PTPRG: variants seen among roughly 807,000 people sequenced by gnomAD.
PTPRG encodes the protein receptor-type tyrosine-protein phosphatase gamma.
A neutral mutation model predicts 165.3 loss-of-function variants in PTPRG; 102 were observed. That is an observed-to-expected ratio of 0.62 (90% confidence interval 0.53 to 0.73). PTPRG has a LOEUF of 0.73. PTPRG is among the 30% of genes least tolerant of loss of function. PTPRG has a pLI of 0.00. For missense variants in PTPRG, 1,866 were observed against 1,861.4 expected, an observed-to-expected ratio of 1.00 and a Z score of -0.05; for synonymous variants, 675 against 669.5, an observed-to-expected ratio of 1.01 and a Z score of -0.13.
intron 13 of PTPRG, among the ~76,000 whole-genome samples, chr3:62,230,647 C>A (rs1018925687): frequency 3.3e-5 from 5 of 152,218 alleles, no homozygotes; most frequent in Admixed American, 1.3e-4. Flanking sequence ...ATAGTAATAA[C>A]TTGCCAACTG....
chr3:61,813,679 T>C lies in PTPRG; in HGVS notation c.190+64697T>C, dbSNP rs1237687450. On this transcript the variant is annotated intron_variant, in intron 2 of 29. Coordinates refer to ENST00000474889, the MANE Select transcript of PTPRG (RefSeq NM_002841.4). ...TGTAGTTGTAGTCATAATAACTTATTGAATGTATACTATGTTCTTGGCTCT... is the reference window on the plus strand; with the variant it reads ...TGTAGTTGTAGTCATAATAACTTATCGAATGTATACTATGTTCTTGGCTCT... 5.3e-5 allele frequency among the ~76,000 whole-genome samples: 8 copies of C among 151,730 alleles called. No homozygotes were observed. The East Asian group carries it at 1.4e-3, about 26-fold the overall frequency.
At chr3:62,260,880 C>T (rs1375279615) in intron 16 of PTPRG, 1 of 152,160 alleles carries the variant, frequency 6.6e-6, no homozygotes. Flanking sequence ...TCAGATTTGA[C>T]AATATTTATT....
chr3:61,847,097 G>C (rs1255612488), intron 2 of PTPRG, among the ~76,000 whole-genome samples: 1 of 152,112 alleles, frequency 6.6e-6, no homozygotes, highest in Non-Finnish European at 1.5e-5. Context: ...CTAACCCCTA[G>C]TACTTCAGAA....
rs1284244551 is a variant in PTPRG at position 61,562,263 on chromosome 3, C to T, written c.-25C>T. The T allele has an allele frequency of 1.2e-6, 2 of 1,608,520 alleles. No homozygotes were observed. Among genetic ancestry groups the T allele is most frequent in the Non-Finnish European group, 1.7e-6 (2 of 1,175,122 alleles). ...TCAACAAGTTTACCTCCCTGCTTTC[C>T]TCTTTTCGATGTGCGTTTTCGGACA... On this transcript the variant is annotated 5_prime_UTR_variant, in exon 1 of 30. Transcript: ENST00000474889.
rs539601898 is a variant in PTPRG at position 61,832,616 on chromosome 3, A to T, written c.190+83634A>T. Among the ~76,000 whole-genome samples the T allele has an allele frequency of 4.7e-4, 72 of 152,316 alleles. 2 individuals carry two copies. The South Asian group carries it at 0.014, about 30-fold the overall frequency. On this transcript the variant is annotated intron_variant, in intron 2 of 29. Transcript: ENST00000474889. The stretch of plus-strand genomic sequence containing the variant: ...TGGATCTTGTAGGGTAGGTATCATT[A>T]TCTTCATTTTATAGCTGAGAAAACT...
chr3:61,741,622 C>T (rs146947185), intron 1 of PTPRG, among the ~76,000 whole-genome samples: 175 of 152,320 alleles, frequency 1.1e-3, no homozygotes, highest in African/African-American at 3.9e-3. Flanking sequence ...GTTCTCATCA[C>T]AGACTTACTC....
intron 2 of PTPRG, among the ~76,000 whole-genome samples, chr3:61,922,481 A>AGT (rs143673622): frequency 2.1e-4 from 32 of 151,768 alleles, no homozygotes; most frequent in South Asian, 1.0e-3. Flanking sequence ...TGTCTGTGTG[A>AGT]GTGTGTGTGT....
chr3:62,188,268 A>C (rs1699715649), intron 8 of PTPRG, among the ~76,000 whole-genome samples: 1 of 152,132 alleles, frequency 6.6e-6, no homozygotes, highest in South Asian at 2.1e-4. Context: ...CTAGCTACTT[A>C]GGAGGCTGAG....
chr3:61,876,436 T>A (rs2037741858), intron 2 of PTPRG, among the ~76,000 whole-genome samples: 1 of 152,256 alleles, frequency 6.6e-6, no homozygotes, highest in Non-Finnish European at 1.5e-5. Flanking sequence ...GTCAATTTCC[T>A]GGTTTTGATC....
intron 1 of PTPRG, among the ~76,000 whole-genome samples, chr3:61,623,209 A>G (rs576456826): frequency 6.6e-6 from 1 of 152,330 alleles, no homozygotes; most frequent in Non-Finnish European, 1.5e-5. Flanking sequence ...GGCAGGAATC[A>G]GGACAGTGGG....
intron 2 of PTPRG, among the ~76,000 whole-genome samples, chr3:61,833,898 GA>G (rs2107303686): frequency 6.6e-6 from 1 of 152,254 alleles, no homozygotes; most frequent in African/African-American, 2.4e-5. Flanking sequence ...GCTCATCTTT[GA>G]AAGGAGAGCT....
At chr3:61,696,610 C>T (rs1013880580) in intron 1 of PTPRG, among the ~76,000 whole-genome samples, 3 of 152,178 alleles carry the variant, frequency 2.0e-5, no homozygotes, top group African/African-American at 7.2e-5. Context: ...TACATGAATA[C>T]ACTTTCTTTT....
At chr3:61,880,947 C>CTT (rs199965020) in intron 2 of PTPRG, among the ~76,000 whole-genome samples, 6 of 139,308 alleles carry the variant, frequency 4.3e-5, no homozygotes, top group African/African-American at 1.0e-4. Context: ...GCTATGCTGT[C>CTT]TTTTTTTTTT....
intron 2 of PTPRG, among the ~76,000 whole-genome samples, chr3:61,934,391 G>C (rs541876898): frequency 1.3e-4 from 19 of 151,760 alleles, no homozygotes; most frequent in African/African-American, 4.1e-4. Context: ...ATCTTTTCTC[G>C]GTGTGTGCAT....
chr3:62,279,452 T>C (rs570079170), intron 26 of PTPRG, among the ~76,000 whole-genome samples: 15 of 152,222 alleles, frequency 9.9e-5, no homozygotes, highest in African/African-American at 3.4e-4. Context: ...AGTATTTCTT[T>C]AAAGTAAGTA....
intron 1 of PTPRG, among the ~76,000 whole-genome samples, chr3:61,703,529 G>T (rs368456358): frequency 2.6e-5 from 4 of 152,276 alleles, no homozygotes; most frequent in African/African-American, 9.6e-5. Flanking sequence ...AGGGCTGGGG[G>T]AGTTGATGCT....
At chr3:61,574,348 G>A (rs186554169) in intron 1 of PTPRG, among the ~76,000 whole-genome samples, 2 of 152,330 alleles carry the variant, frequency 1.3e-5, no homozygotes, top group African/African-American at 4.8e-5. Context: ...CCCTTGATGA[G>A]ACAGATGTTG....
chr3:61,871,401 A>C (rs960905381), intron 2 of PTPRG, among the ~76,000 whole-genome samples: 1 of 152,094 alleles, frequency 6.6e-6, no homozygotes, highest in Non-Finnish European at 1.5e-5. Context: ...TAATTAAAAA[A>C]AATTTTTTTT....
chr3:61,994,517 A>G (rs990439334), intron 3 of PTPRG, among the ~76,000 whole-genome samples: 1 of 152,182 alleles, frequency 6.6e-6, no homozygotes, highest in African/African-American at 2.4e-5. Context: ...TGGTTATTCA[A>G]TTCACACAAG....
Sources: allele counts gnomAD v4.1 joint callset (sites outside exome capture counted in the v4.1 genomes callset), GRCh38; gene constraint gnomAD v4.1.1; transcripts MANE v1.5; gene names NCBI Gene and HGNC (gene_info 2026-07-23, HGNC 2026-07-21).